Variants in TRIO observed in about 807,000 individuals in gnomAD.
The protein encoded by TRIO is triple functional domain protein.
Under a neutral mutation model 351.9 loss-of-function variants are expected in TRIO, and 58 were observed. The ratio of observed to expected loss-of-function variants is 0.16; its 90% CI spans 0.13 to 0.21. The LOEUF (loss-of-function observed/expected upper bound fraction) is 0.21, where lower values mean the gene tolerates loss of function less well. TRIO is among the 10% of genes least tolerant of loss of function. The probability of loss-of-function intolerance (pLI) is 1.00; values close to 1 mark genes in which losing one functional copy is unlikely to be tolerated. For missense variants in TRIO, 3,201 were observed against 4,027.8 expected (o/e 0.79, Z 5.56); for synonymous variants, 1,758 against 1,595.7 (o/e 1.10, Z -2.42).
chr5:14,399,260 T>C (rs1747867294), intron 30 of TRIO, 190 bp downstream of exon 30: 1 of 606,616 alleles, frequency 1.6e-6, no homozygotes, highest in Non-Finnish European at 2.9e-6. Flanking sequence ...TAGAGGGTGC[T>C]CTGGAGTTTA....
intron 41 of TRIO, among the ~76,000 whole-genome samples, chr5:14,478,784 TACA>T (rs1755292301): frequency 2.1e-5 from 2 of 97,148 alleles, no homozygotes; most frequent in Non-Finnish European, 3.9e-5. Flanking sequence ...ACTCCATCCC[TACA>T]AAAAAAAAAA....
Position 14,149,739 on chromosome 5 carries a change from G to A in TRIO, c.157+5857G>A, listed in dbSNP as rs573339287. Among the ~76,000 whole-genome samples, 7 of 151,160 alleles carry A rather than the reference G, an allele frequency of 4.6e-5. No individual in the cohort carries two copies. The East Asian group carries it at 1.4e-3, about 31-fold the overall frequency. Reference sequence around the variant, plus strand: ...TACTCTTGTCTGATGGGGGAGGATTGTAGAGTAGTCTAGAGCTGGTGTTTT... The same window carrying A: ...TACTCTTGTCTGATGGGGGAGGATTATAGAGTAGTCTAGAGCTGGTGTTTT... On this transcript the variant is annotated intron_variant, in intron 1 of 56. Transcript: ENST00000344204.
intron 5 of TRIO, among the ~76,000 whole-genome samples, chr5:14,292,483 T>C (rs1048245570): frequency 6.6e-6 from 1 of 152,252 alleles, no homozygotes; most frequent in Non-Finnish European, 1.5e-5. Flanking sequence ...AGTTAGTTTT[T>C]CCCACCTTTT....
At chr5:14,262,728 G>T (rs1258337754) in intron 1 of TRIO, among the ~76,000 whole-genome samples, 1 of 152,000 alleles carries the variant, frequency 6.6e-6, no homozygotes, top group Non-Finnish European at 1.5e-5. Flanking sequence ...GCAGGGAGAA[G>T]CCTGGTTCCT....
intron 9 of TRIO, among the ~76,000 whole-genome samples, chr5:14,327,197 T>A (rs145250003): frequency 1.8e-3 from 271 of 152,334 alleles, no homozygotes; most frequent in Non-Finnish European, 3.2e-3. Context: ...GGAGTTTTGC[T>A]GTTGTAGCCC....
intron 46 of TRIO, among the ~76,000 whole-genome samples, chr5:14,483,557 C>G (rs1561542625): frequency 6.6e-6 from 1 of 152,206 alleles, no homozygotes; most frequent in Non-Finnish European, 1.5e-5. Flanking sequence ...CCTCCCCCAT[C>G]CGACTCTCCG....
chr5:14,465,795 CTGAT>C, intron 37 of TRIO, 155 bp downstream of exon 37: 1 of 740,274 alleles, frequency 1.4e-6, no homozygotes, highest in Admixed American at 2.2e-5. Flanking sequence ...CTCGGGTTCA[CTGAT>C]TTGAAGGACT....
intron 1 of TRIO, among the ~76,000 whole-genome samples, chr5:14,144,520 G>A (rs548161126): frequency 7.8e-4 from 118 of 152,240 alleles, no homozygotes; most frequent in African/African-American, 2.7e-3. Context: ...TCGGAGGACC[G>A]GGAGGCGCGG....
At chr5:14,384,972 A>C (rs1315013727) in intron 21 of TRIO, among the ~76,000 whole-genome samples, 1 of 152,234 alleles carries the variant, frequency 6.6e-6, no homozygotes, top group African/African-American at 2.4e-5. Context: ...GTGTCATAGC[A>C]AGGGAATAAA....
At chr5:14,316,376 T>TGTA (rs1554054071) in intron 8 of TRIO, 137 bp from the exon 9 acceptor site, 1 of 816,980 alleles carries the variant, frequency 1.2e-6, no homozygotes, top group Non-Finnish European at 1.9e-6. Flanking sequence ...TGAATGAATG[T>TGTA]CTGGGCATGT....
At chr5:14,211,972 C>A (rs201217345) in intron 1 of TRIO, among the ~76,000 whole-genome samples, 1 of 130,318 alleles carries the variant, frequency 7.7e-6, no homozygotes, top group Non-Finnish European at 1.7e-5. Context: ...ACCAAAAAAA[C>A]AAAAACAAAC....
chr5:14,281,839 A>G lies in TRIO; in HGVS notation c.347+1403A>G, dbSNP rs540152158. Among the ~76,000 whole-genome samples, 25 of 152,304 alleles carry G rather than the reference A, an allele frequency of 1.6e-4. No individual in the cohort carries two copies. The East Asian group carries it at 4.8e-3, about 29-fold the overall frequency. ...GGCTGGCTAGATAGTAACCTTAAGG[A>G]ACATGTTACAAGAGAATGATGTAAG... On this transcript the variant is annotated intron_variant, in intron 3 of 56. Transcript: ENST00000344204.
chr5:14,408,235 T>TA (rs1748894741), intron 33 of TRIO, among the ~76,000 whole-genome samples: 1 of 152,232 alleles, frequency 6.6e-6, no homozygotes, highest in Non-Finnish European at 1.5e-5. Flanking sequence ...TCATGATACT[T>TA]AATGTTCTAG....
chr5:14,304,886 G>A (rs1288242594), intron 8 of TRIO, among the ~76,000 whole-genome samples: 1 of 152,150 alleles, frequency 6.6e-6, no homozygotes, highest in Non-Finnish European at 1.5e-5. Context: ...TAAGAAATGT[G>A]TATTTTGTGT....
chr5:14,183,492 A>G (rs1364364900), intron 1 of TRIO, among the ~76,000 whole-genome samples: 1 of 152,212 alleles, frequency 6.6e-6, no homozygotes, highest in Non-Finnish European at 1.5e-5. Flanking sequence ...GCATCCCCTA[A>G]AAATGTAAAC....
chr5:14,228,039 T>C (rs1793160368), intron 1 of TRIO, among the ~76,000 whole-genome samples: 1 of 151,114 alleles, frequency 6.6e-6, no homozygotes, highest in Non-Finnish European at 1.5e-5. Context: ...AGAGGGAGGG[T>C]GTGGGGGCCT....
intron 10 of TRIO, among the ~76,000 whole-genome samples, chr5:14,334,417 A>G (rs1308634442): frequency 6.6e-6 from 1 of 152,226 alleles, no homozygotes; most frequent in East Asian, 1.9e-4. Flanking sequence ...CACGTCTCAG[A>G]TCATTCAGAA....
intron 1 of TRIO, among the ~76,000 whole-genome samples, chr5:14,237,639 G>C (rs1399789282): frequency 6.6e-6 from 1 of 152,198 alleles, no homozygotes; most frequent in Non-Finnish European, 1.5e-5. Flanking sequence ...AGATGGAAGT[G>C]AATGTGAATA....
intron 11 of TRIO, among the ~76,000 whole-genome samples, chr5:14,350,554 T>G (rs1044872666): frequency 6.6e-6 from 1 of 152,178 alleles, no homozygotes; most frequent in Admixed American, 6.5e-5. Flanking sequence ...CCACATCCCC[T>G]GTGCCTTATC....
Sources: gnomAD v4.1 joint callset for allele counts (sites outside exome capture counted in the v4.1 genomes callset) on GRCh38, gnomAD v4.1.1 for gene constraint, MANE v1.5 for transcripts, NCBI Gene and HGNC (gene_info 2026-07-23, HGNC 2026-07-21) for gene names.